PGM2: variants seen among roughly 807,000 people sequenced by gnomAD.
The protein encoded by PGM2 is phosphoglucomutase 2, also known as phosphopentomutase.
In PGM2, 57 loss-of-function variants were observed where a neutral mutation model predicts 74.6. The observed-to-expected ratio is 0.76, with a 90% CI of 0.62 to 0.95. PGM2 has a LOEUF of 0.95. PGM2 is among the 40% of genes least tolerant of loss of function. The pLI is 0.00. For synonymous variants in PGM2, 273 were observed against 260.7 expected (o/e 1.05, Z -0.46); for missense variants, 706 against 741.9 (o/e 0.95, Z 0.56).
chr4:37,856,269 C>T (rs1013539889), intron 13 of PGM2, among the ~76,000 whole-genome samples: 1 of 152,028 alleles, frequency 6.6e-6, no homozygotes, highest in Non-Finnish European at 1.5e-5. Context: ...CCTGTAGTCC[C>T]AGCTACTCGG....
rs147934771 is a variant in PGM2 at position 37,861,610 on chromosome 4, T to G, written c.1837T>G (p.Ter613GluextTer14). The G allele has an allele frequency of 5.0e-6, 8 of 1,599,742 alleles. No individual in the cohort carries two copies. Among genetic ancestry groups the G allele is most frequent in the Non-Finnish European group, 6.9e-6 (8 of 1,167,012 alleles). ...GTACAATCTGCAGCCAAAAGCAGAC[T>G]AAAATAGTCCAGCCTTGGGTATACT... ...QKYNLQPKAD[*>E] Residue 613 changes from the stop codon to glutamate (E), a stop_lost, in exon 14 of 14, where the codon TAA (stop) becomes GAA (glutamate). Transcript: ENST00000381967.
At chr4:37,850,555 C>T (rs1726012952) in intron 12 of PGM2, among the ~76,000 whole-genome samples, 182 bp downstream of exon 12, 1 of 151,928 alleles carries the variant, frequency 6.6e-6, no homozygotes, top group Non-Finnish European at 1.5e-5. Context: ...AATTCCAGCA[C>T]TTTGGGAGGT....
In PGM2 at chr4:37,840,263, A is replaced by G; in HGVS notation, c.719+4A>G. The G allele has an allele frequency of 6.4e-7, 1 of 1,566,072 alleles. No individual in the cohort carries two copies. Among genetic ancestry groups the G allele is most frequent in the Non-Finnish European group, 8.8e-7 (1 of 1,136,712 alleles). On this transcript the variant is annotated splice_donor_region_variant and intron_variant, in intron 6 of 13. Coordinates refer to ENST00000381967, the MANE Select transcript of PGM2 (RefSeq NM_018290.4). ...TTAAAAAGTACTGTTTCCACAGGTAAATGAATTGTGTCTTCACTGACCTTA... is the reference window on the plus strand; with the variant it reads ...TTAAAAAGTACTGTTTCCACAGGTAGATGAATTGTGTCTTCACTGACCTTA...
At chr4:37,845,876 T>A in intron 8 of PGM2, 146 bp downstream of exon 8, 1 of 619,544 alleles carries the variant, frequency 1.6e-6, no homozygotes, top group Non-Finnish European at 2.9e-6. Context: ...TCCTGTAGAG[T>A]CTTCTAATGG....
At chr4:37,851,422 C>G (rs1577681657) in intron 12 of PGM2, among the ~76,000 whole-genome samples, 1 of 152,284 alleles carries the variant, frequency 6.6e-6, no homozygotes. Flanking sequence ...TTCTTTACAC[C>G]AAGCAGATCT....
chr4:37,837,856 G>T (rs1026465354), intron 4 of PGM2, among the ~76,000 whole-genome samples: 2 of 150,864 alleles, frequency 1.3e-5, no homozygotes, highest in Admixed American at 6.6e-5. Flanking sequence ...CCTTTTCTTT[G>T]CATTCTAAGG....
At chr4:37,854,385 C>T (rs565095346) in intron 12 of PGM2, among the ~76,000 whole-genome samples, 10 of 151,660 alleles carry the variant, frequency 6.6e-5, no homozygotes, top group African/African-American at 2.4e-4. Context: ...TAGTTTCACT[C>T]TGTTACCCAG....
intron 2 of PGM2, among the ~76,000 whole-genome samples, chr4:37,830,892 G>A (rs1276145713): frequency 6.6e-6 from 1 of 152,014 alleles, no homozygotes; most frequent in African/African-American, 2.4e-5. Context: ...GCTTATCTAA[G>A]GGTATAGAAT....
chr4:37,836,698 G>A lies in PGM2; in HGVS notation c.357-831G>A, dbSNP rs539732476. Among the ~76,000 whole-genome samples, 8 of 152,214 alleles carry A rather than the reference G, an allele frequency of 5.3e-5. No homozygotes were observed. The South Asian group carries it at 1.2e-3, about 24-fold the overall frequency. On this transcript the variant is annotated intron_variant, in intron 3 of 13. Transcript: ENST00000381967. ...TAATGTTGTTCATTCTAAGTAAATC[G>A]CTCATTTATTTGTGGTAACGTATTT...
At chr4:37,856,815 A>C (rs1284096168) in intron 13 of PGM2, among the ~76,000 whole-genome samples, 2 of 152,200 alleles carry the variant, frequency 1.3e-5, no homozygotes, top group African/African-American at 4.8e-5. Flanking sequence ...TCTACTTGTC[A>C]CCTTTTAAAA....
At chr4:37,844,606 T>A in intron 7 of PGM2, 53 bp downstream of exon 7, 6 of 1,053,326 alleles carry the variant, frequency 5.7e-6, no homozygotes, top group Non-Finnish European at 8.6e-6. Flanking sequence ...TCAAAACTAT[T>A]ACTGTCAAGT....
intron 13 of PGM2, among the ~76,000 whole-genome samples, chr4:37,857,362 G>C (rs779438763): frequency 1.3e-5 from 2 of 152,096 alleles, no homozygotes; most frequent in Non-Finnish European, 2.9e-5. Context: ...AATAAAAGCA[G>C]ATGAAAATTC....
chr4:37,853,774 C>G (rs953864996), intron 12 of PGM2, among the ~76,000 whole-genome samples: 2 of 152,142 alleles, frequency 1.3e-5, no homozygotes, highest in South Asian at 4.1e-4. Context: ...AGCCTGAGGA[C>G]TTCTACTTGA....
chr4:37,846,653 C>T (rs376598927), intron 8 of PGM2, among the ~76,000 whole-genome samples: 9 of 152,300 alleles, frequency 5.9e-5, no homozygotes, highest in African/African-American at 2.2e-4. Flanking sequence ...TAATATAGAG[C>T]CATTGTGTGT....
At chr4:37,841,073 T>TATATATATATATATATATATAC (rs1725705767) in intron 6 of PGM2, among the ~76,000 whole-genome samples, 1 of 21,062 alleles carries the variant, frequency 4.7e-5, no homozygotes, top group African/African-American at 8.5e-5. Context: ...TATGCAAGCG[T>TATATATATATATATATATATAC]ATATATATAT....
intron 5 of PGM2, 64 bp from the exon 6 acceptor site, chr4:37,840,002 T>C: frequency 6.7e-7 from 1 of 1,493,020 alleles, no homozygotes; most frequent in Non-Finnish European, 9.3e-7. Context: ...TTTGGGACCA[T>C]AGGTAATAGG....
At chr4:37,828,379 A>G (rs547135324) in intron 1 of PGM2, among the ~76,000 whole-genome samples, 5 of 149,458 alleles carry the variant, frequency 3.3e-5, no homozygotes, top group Non-Finnish European at 7.4e-5. Context: ...CTCATGTTCT[A>G]TCCTCTGTTA....
intron 6 of PGM2, among the ~76,000 whole-genome samples, chr4:37,843,034 GA>G (rs946852775): frequency 5.3e-5 from 8 of 151,990 alleles, no homozygotes; most frequent in Non-Finnish European, 1.2e-4. Context: ...TGTTATAGAT[GA>G]AAAAACTACA....
intron 6 of PGM2, among the ~76,000 whole-genome samples, chr4:37,841,854 G>GC (rs1725738981): frequency 6.6e-6 from 1 of 152,242 alleles, no homozygotes; most frequent in Non-Finnish European, 1.5e-5. Context: ...GCATGCACGT[G>GC]CATGTGTGTG....
Sources: gnomAD v4.1 joint callset for allele counts (sites outside exome capture counted in the v4.1 genomes callset) on GRCh38, gnomAD v4.1.1 for gene constraint, MANE v1.5 for transcripts, NCBI Gene and HGNC (gene_info 2026-07-23, HGNC 2026-07-21) for gene names.